The following PCDHA5 variants were observed in gnomAD, a reference collection of about 807,000 sequenced individuals.
The protein encoded by PCDHA5 is protocadherin alpha 5, also known as protocadherin alpha-5.
In PCDHA5, 43 loss-of-function variants were observed where a neutral mutation model predicts 61.6. That is an observed-to-expected ratio of 0.70 (90% CI 0.55 to 0.90). PCDHA5 has a LOEUF of 0.90. PCDHA5 is among the 40% of genes least tolerant of loss of function. The pLI is 0.00. For missense variants in PCDHA5, 1,298 were observed against 1,222.7 expected, an observed-to-expected ratio of 1.06 and a Z score of -0.92; for synonymous variants, 627 against 543.9, an observed-to-expected ratio of 1.15 and a Z score of -2.13.
Position 140,968,830 on chromosome 5 carries a change from C to T in PCDHA5, c.2353-10119C>T, listed in dbSNP as rs782771762. On this transcript the variant is annotated intron_variant, in intron 1 of 3. Coordinates refer to ENST00000529859, the MANE Select transcript of PCDHA5 (RefSeq NM_018908.3). The stretch of plus-strand genomic sequence containing the variant: ...TGGTGGATAGGGTTTCCAAAATCCT[C>T]CCTGACACTCAGAGGCATGTTAAGA... 48 of 1,614,080 alleles carry T rather than the reference C, an allele frequency of 3.0e-5. No homozygotes were observed. The Admixed American group carries it at 8.0e-4, about 27-fold the overall frequency.
At chr5:140,870,578 C>A in intron 1 of PCDHA5, 1 of 1,613,882 alleles carries the variant, frequency 6.2e-7, no homozygotes. Flanking sequence ...GTGTCCTACT[C>A]GCTGGTGGAG....
chr5:141,004,768 A>G (rs2098180289), intron 3 of PCDHA5, among the ~76,000 whole-genome samples: 1 of 152,160 alleles, frequency 6.6e-6, no homozygotes, highest in Non-Finnish European at 1.5e-5. Flanking sequence ...CAGGACCTGT[A>G]TTTTAAAGGT....
At chr5:140,968,287 C>G (rs7712041) in intron 1 of PCDHA5, 1 of 1,613,902 alleles carries the variant, frequency 6.2e-7, no homozygotes, top group South Asian at 1.1e-5. Context: ...TGACCTACTC[C>G]CTTCTGGAGA....
At chr5:140,955,797 T>C (rs1374924586) in intron 1 of PCDHA5, among the ~76,000 whole-genome samples, 3 of 152,212 alleles carry the variant, frequency 2.0e-5, no homozygotes, top group Non-Finnish European at 4.4e-5. Flanking sequence ...TGTTTTTCTA[T>C]TTGTTTGTGT....
chr5:140,967,736 G>A (rs1554229871), intron 1 of PCDHA5: 4 of 1,614,162 alleles, frequency 2.5e-6, no homozygotes, highest in Non-Finnish European at 3.4e-6. Context: ...TGGGGGGCTG[G>A]ATTATGAGGA....
chr5:140,849,943 A>G lies in PCDHA5; in HGVS notation c.2352+25816A>G, dbSNP rs2150458955. The G allele has an allele frequency of 3.8e-6, 6 of 1,597,666 alleles. 2 individuals carry two copies. In the African/African-American group the frequency reaches 5.4e-5, roughly 14 times the overall value. On this transcript the variant is annotated intron_variant, in intron 1 of 3. Transcript: ENST00000529859. ...TTCACGGTGTCTGCGCGGGACGCTG[A>G]CGCGCAGGAGAACGCCCTGGTGTCC...
In PCDHA5 at chr5:140,978,000, T is replaced by G. The variant is rs564788160; in HGVS notation, c.2353-949T>G. 2.0e-5 allele frequency among the ~76,000 whole-genome samples: 3 copies of G among 152,212 alleles called. No homozygotes were observed. In the South Asian group the frequency reaches 6.2e-4, roughly 32 times the overall value. On this transcript the variant is annotated intron_variant, in intron 1 of 3. Coordinates refer to ENST00000529859, the MANE Select transcript of PCDHA5 (RefSeq NM_018908.3). ...AACGCATCTAGAGGAGTGTCACAAG[T>G]TTTTCACAGTGACATTTTTGCTTAC...
intron 1 of PCDHA5, among the ~76,000 whole-genome samples, chr5:140,890,373 T>A (rs868994302): frequency 2.4e-4 from 37 of 152,196 alleles, no homozygotes; most frequent in African/African-American, 7.5e-4. Context: ...CCTGAACAAG[T>A]ACTCTTTCTT....
intron 1 of PCDHA5, among the ~76,000 whole-genome samples, chr5:140,972,811 G>A (rs1458279738): frequency 2.6e-5 from 4 of 151,876 alleles, no homozygotes; most frequent in African/African-American, 4.8e-5. Flanking sequence ...TTACAGGCAC[G>A]CGCCACCACG....
chr5:140,872,178 A>G (rs549229832), intron 1 of PCDHA5, among the ~76,000 whole-genome samples: 2 of 149,926 alleles, frequency 1.3e-5, no homozygotes, highest in Admixed American at 6.6e-5. Context: ...TTTTTTTTTT[A>G]CAGTGTTAAA....
At chr5:140,885,110 TA>T (rs1368571784) in intron 1 of PCDHA5, among the ~76,000 whole-genome samples, 4 of 152,224 alleles carry the variant, frequency 2.6e-5, no homozygotes, top group African/African-American at 9.6e-5. Context: ...ATGCTTTTTT[TA>T]AGTGCACTTT....
Position 140,946,631 on chromosome 5 carries a change from T to TATATATATATATATACAC in PCDHA5, c.2353-32317_2353-32316insTATATATATATATACACA, listed in dbSNP as rs57893927. 8.0e-4 allele frequency among the ~76,000 whole-genome samples: 106 copies of TATATATATATATATACAC among 131,838 alleles called. 2 individuals carry two copies. The East Asian group carries it at 0.018, about 23-fold the overall frequency. 86.5% of individuals were successfully genotyped at this position (131,838 alleles called of 152,430 possible). A position where few individuals can be genotyped will look rare whatever the true frequency, so the allele number is the denominator to read the frequency against. On this transcript the variant is annotated intron_variant, in intron 1 of 3. Transcript: ENST00000529859. ...TGTGAAATATATATATATATATATA[T>TATATATATATATATACAC]ACAATGGAATACTCATCAGCCATTA...
intron 1 of PCDHA5, among the ~76,000 whole-genome samples, chr5:140,896,352 A>G (rs1045413506): frequency 2.6e-5 from 4 of 152,166 alleles, no homozygotes; most frequent in African/African-American, 4.8e-5. Flanking sequence ...TCCCGCCAGC[A>G]GTGTATAAGC....
chr5:140,966,742 G>T, intron 1 of PCDHA5: 1 of 1,422,480 alleles, frequency 7.0e-7, no homozygotes, highest in African/African-American at 1.5e-5. Context: ...GCCCTGCCCG[G>T]CTGCCTCCGC....
intron 3 of PCDHA5, among the ~76,000 whole-genome samples, chr5:140,987,354 G>A (rs1180342992): frequency 2.6e-5 from 4 of 152,166 alleles, no homozygotes; most frequent in Admixed American, 2.6e-4. Context: ...TATTCCTGAG[G>A]TTGTCTTATA....
chr5:140,850,459 G>A (rs2150485191), intron 1 of PCDHA5: 2 of 1,598,012 alleles, frequency 1.3e-6, no homozygotes, highest in South Asian at 2.2e-5. Context: ...AAAGACCACG[G>A]GGAGCCAGCG....
chr5:140,849,977 G>T (rs2150461190), intron 1 of PCDHA5: 15 of 1,597,540 alleles, frequency 9.4e-6, no homozygotes, highest in East Asian at 4.5e-5. Context: ...CCTACTCGCT[G>T]GTGGAGCGGC....
chr5:140,921,888 A>G (rs1430604991), intron 1 of PCDHA5, among the ~76,000 whole-genome samples: 8 of 152,090 alleles, frequency 5.3e-5, no homozygotes, highest in African/African-American at 1.9e-4. Context: ...AGATTTTAGA[A>G]AGGAGGATAA....
chr5:140,912,064 A>G (rs1388725837), intron 1 of PCDHA5, among the ~76,000 whole-genome samples: 10 of 152,216 alleles, frequency 6.6e-5, no homozygotes, highest in Non-Finnish European at 1.0e-4. Flanking sequence ...TTGGAGTCCA[A>G]TGTTCAAGGG....
Sources: gnomAD v4.1 joint callset for allele counts (sites outside exome capture counted in the v4.1 genomes callset) on GRCh38, gnomAD v4.1.1 for gene constraint, MANE v1.5 for transcripts, NCBI Gene and HGNC (gene_info 2026-07-23, HGNC 2026-07-21) for gene names.